The following HECW1 variants were observed in gnomAD, a reference collection of about 807,000 sequenced individuals.
HECW1 encodes HECT, C2 and WW domain containing E3 ubiquitin protein ligase 1, also known as E3 ubiquitin-protein ligase HECW1.
A neutral mutation model predicts 182.3 loss-of-function variants in HECW1; 61 were observed. The ratio of observed to expected loss-of-function variants is 0.33; its 90% CI spans 0.27 to 0.41. HECW1 has a LOEUF of 0.41. Ranked by LOEUF, HECW1 falls within the 10% of genes least tolerant of loss-of-function variation. The pLI is 1.00. For missense variants in HECW1, 1,739 were observed against 2,108.9 expected (o/e 0.82, Z 3.44); for synonymous variants, 859 against 832.6 (o/e 1.03, Z -0.55).
intron 2 of HECW1, among the ~76,000 whole-genome samples, chr7:43,179,183 A>G (rs1486586725): frequency 6.6e-6 from 1 of 152,252 alleles, no homozygotes; most frequent in Non-Finnish European, 1.5e-5. Context: ...TAATAAATGC[A>G]AAATAGCCAA....
Position 43,456,413 on chromosome 7 carries a change from G to A in HECW1, c.2617G>A (p.Gly873Arg). Reference sequence around the variant, plus strand: ...CACCCCGGATGGCATGCGGAGATCGGGGTCCATCCAGCAGATGGAGCAACT... The same window carrying A: ...CACCCCGGATGGCATGCGGAGATCGAGGTCCATCCAGCAGATGGAGCAACT... ...AATPDGMRRS[G>R]SIQQMEQLNR... Residue 873 changes from glycine (G) to arginine (R), a missense_variant, in exon 13 of 30, where the codon GGG becomes AGG. Gly to Arg is a moderately radical substitution (Grantham distance 125, BLOSUM62 -2). Around this residue, in one of 5 missense-constraint regions of HECW1, gnomAD observed 971 missense variants for 1,029.1 expected, o/e 0.94. Transcript: ENST00000395891. 6.2e-7 allele frequency: 1 copy of A among 1,614,068 alleles called. No homozygotes were observed.
At chr7:43,400,329 C>G (rs62458241) in intron 7 of HECW1, among the ~76,000 whole-genome samples, 2 of 152,174 alleles carry the variant, frequency 1.3e-5, no homozygotes, top group Non-Finnish European at 2.9e-5. Flanking sequence ...AAAATTTGCT[C>G]CATGCTGGTC....
chr7:43,436,785 C>T (rs2076727998), intron 8 of HECW1, among the ~76,000 whole-genome samples: 1 of 152,224 alleles, frequency 6.6e-6, no homozygotes, highest in South Asian at 2.1e-4. Context: ...TTCTGATGGT[C>T]ACGGTCTTCC....
chr7:43,538,021 C>T (rs1563103076), intron 24 of HECW1, among the ~76,000 whole-genome samples: 1 of 152,168 alleles, frequency 6.6e-6, no homozygotes, highest in South Asian at 2.1e-4. Flanking sequence ...GTCCTTGCTG[C>T]AAAGTGGTCC....
At chr7:43,208,062 G>A (rs1276743270) in intron 2 of HECW1, among the ~76,000 whole-genome samples, 1 of 151,940 alleles carries the variant, frequency 6.6e-6, no homozygotes, top group Non-Finnish European at 1.5e-5. Flanking sequence ...TTCAAACATC[G>A]CTCCTCTCCC....
chr7:43,221,990 A>G (rs769119257), intron 2 of HECW1, among the ~76,000 whole-genome samples: 6 of 152,228 alleles, frequency 3.9e-5, no homozygotes, highest in Non-Finnish European at 7.3e-5. Context: ...CTGGTAGCTC[A>G]ATAAAAATGC....
At chr7:43,245,383 T>A (rs1445077563) in intron 3 of HECW1, 1 of 152,240 alleles carries the variant, frequency 6.6e-6, no homozygotes, top group African/African-American at 2.4e-5. Flanking sequence ...TCTCTTTGGC[T>A]TTAAAGATAG....
At chr7:43,304,548 T>G (rs1375424541) in intron 3 of HECW1, among the ~76,000 whole-genome samples, 1 of 152,102 alleles carries the variant, frequency 6.6e-6, no homozygotes, top group African/African-American at 2.4e-5. Context: ...TGGAGTGCAG[T>G]GGCGCAATCT....
At chr7:43,548,104 T>C (rs1241823766) in intron 26 of HECW1, among the ~76,000 whole-genome samples, 2 of 152,260 alleles carry the variant, frequency 1.3e-5, no homozygotes, top group Admixed American at 6.5e-5. Context: ...AGTGGCACCA[T>C]GTACAGGCTC....
chr7:43,177,504 TC>T (rs1792380647), intron 2 of HECW1, among the ~76,000 whole-genome samples: 1 of 152,320 alleles, frequency 6.6e-6, no homozygotes, highest in East Asian at 1.9e-4. Context: ...CGTGCTGTCT[TC>T]CAGCCAGGGT....
chr7:43,431,045 G>C (rs1477696565), intron 8 of HECW1, among the ~76,000 whole-genome samples: 2 of 151,992 alleles, frequency 1.3e-5, no homozygotes, highest in African/African-American at 4.8e-5. Flanking sequence ...CGAAGTGCTG[G>C]GATTACAGGC....
chr7:43,321,041 C>T (rs6961954), intron 5 of HECW1, among the ~76,000 whole-genome samples: 16,046 of 152,222 alleles, frequency 0.11, 2,841 homozygotes, highest in African/African-American at 0.37. Flanking sequence ...AACTTTCACT[C>T]CATGGCTCCT....
At position 43,561,965 on chromosome 7, in the gene HECW1, C is replaced by T. The variant is rs966901001; in HGVS notation, c.*39C>T. 2.6e-6 allele frequency: 3 copies of T among 1,158,652 alleles called. No homozygotes were observed. Among genetic ancestry groups the T allele is most frequent in the African/African-American group, 1.5e-5 (1 of 65,894 alleles). The allele number at this position is 1,158,652 out of a possible 1,614,324, so 71.8% of individuals were successfully genotyped here. ...CGCCTGACATTTTCCTGGCCAGTGACATCACCCTTCCTGGGATGATCCCCT... is the reference window on the plus strand; with the variant it reads ...CGCCTGACATTTTCCTGGCCAGTGATATCACCCTTCCTGGGATGATCCCCT... On this transcript the variant is annotated 3_prime_UTR_variant, in exon 30 of 30. Transcript: ENST00000395891.
At chr7:43,171,980 C>T (rs942650859) in intron 2 of HECW1, among the ~76,000 whole-genome samples, 1 of 151,688 alleles carries the variant, frequency 6.6e-6, no homozygotes, top group Non-Finnish European at 1.5e-5. Context: ...CTTATAGGTA[C>T]AAAAATAAAA....
intron 2 of HECW1, among the ~76,000 whole-genome samples, chr7:43,157,710 G>A (rs185357545): frequency 6.6e-6 from 1 of 152,216 alleles, no homozygotes; most frequent in African/African-American, 2.4e-5. Flanking sequence ...ATAGGCACAT[G>A]CCACCAAACC....
intron 2 of HECW1, among the ~76,000 whole-genome samples, chr7:43,122,932 T>G (rs1785789863): frequency 6.6e-6 from 1 of 152,246 alleles, no homozygotes; most frequent in Non-Finnish European, 1.5e-5. Context: ...CGAAAACATT[T>G]CTTGAGCTAT....
At chr7:43,198,352 TCA>T (rs1451649293) in intron 2 of HECW1, among the ~76,000 whole-genome samples, 1 of 145,488 alleles carries the variant, frequency 6.9e-6, no homozygotes, top group Non-Finnish European at 1.5e-5. Flanking sequence ...CTCATCATAG[TCA>T]CACACCCCAC....
At chr7:43,367,254 C>T (rs1043062906) in intron 6 of HECW1, among the ~76,000 whole-genome samples, 1 of 152,168 alleles carries the variant, frequency 6.6e-6, no homozygotes, top group African/African-American at 2.4e-5. Context: ...GAATTGTTTT[C>T]CTGTTGCCTT....
chr7:43,339,699 C>T (rs1812723670), intron 5 of HECW1, among the ~76,000 whole-genome samples: 1 of 152,098 alleles, frequency 6.6e-6, no homozygotes, highest in Admixed American at 6.6e-5. Context: ...TTTGCCATGT[C>T]CTCAGCTAGG....
Sources: gnomAD v4.1 joint callset for allele counts (sites outside exome capture counted in the v4.1 genomes callset) on GRCh38, gnomAD v4.1.1 for gene constraint, gnomAD v4.1.1 regional missense constraint, MANE v1.5 for transcripts, NCBI Gene and HGNC (gene_info 2026-07-23, HGNC 2026-07-21) for gene names.